The following TNRC6B variants were observed in gnomAD, a reference collection of about 807,000 sequenced individuals.
The protein encoded by TNRC6B is trinucleotide repeat-containing gene 6B protein.
A neutral mutation model predicts 203.6 loss-of-function variants in TNRC6B; 52 were observed. That is an observed-to-expected ratio of 0.26 (90% CI 0.20 to 0.32). The LOEUF (loss-of-function observed/expected upper bound fraction) is 0.32, where lower values mean the gene tolerates loss of function less well. Ranked by LOEUF, TNRC6B falls within the 10% of genes least tolerant of loss-of-function variation. The pLI, the probability that TNRC6B is intolerant of heterozygous loss-of-function variation, is 1.00. For synonymous variants in TNRC6B, 838 were observed against 845.7 expected (o/e 0.99, Z 0.16); for missense variants, 1,923 against 2,286.2 (o/e 0.84, Z 3.24).
At chr22:40,086,528 G>T (rs2068100771) in intron 1 of TNRC6B, among the ~76,000 whole-genome samples, 1 of 152,110 alleles carries the variant, frequency 6.6e-6, no homozygotes, top group South Asian at 2.1e-4. Context: ...TGCATCTTCT[G>T]TCTCAGCCCT....
chr22:40,331,405 C>A lies in TNRC6B; in HGVS notation c.*8164C>A. 1 of 305,998 alleles carries A rather than the reference C, an allele frequency of 3.3e-6. No homozygotes were observed. The highest frequency in any genetic ancestry group is 6.0e-6 in the Non-Finnish European group (1 of 167,380). 19.0% of individuals were successfully genotyped at this position (305,998 alleles called of 1,614,324 possible). ...TGTTTTAAACAATTTCACCTCTTCT[C>A]CCCACTCCTATCTTCTAAAGAAATA... On this transcript the variant is annotated 3_prime_UTR_variant, in exon 23 of 23. Coordinates refer to ENST00000454349, the MANE Select transcript of TNRC6B (RefSeq NM_001162501.2).
At chr22:40,181,911 A>T (rs1157418449) in intron 1 of TNRC6B, among the ~76,000 whole-genome samples, 1 of 148,518 alleles carries the variant, frequency 6.7e-6, no homozygotes, top group Non-Finnish European at 1.5e-5. Context: ...GTGCCACTGC[A>T]TTCCAGCCTA....
intron 1 of TNRC6B, among the ~76,000 whole-genome samples, chr22:40,061,926 T>C (rs2067857020): frequency 6.6e-6 from 1 of 151,806 alleles, no homozygotes; most frequent in Admixed American, 6.6e-5. Flanking sequence ...ATACAAAAAT[T>C]AGCTGGGCGT....
intron 11 of TNRC6B, among the ~76,000 whole-genome samples, chr22:40,283,224 G>T (rs2070739962): frequency 6.6e-6 from 1 of 152,094 alleles, no homozygotes; most frequent in Non-Finnish European, 1.5e-5. Flanking sequence ...ATTTTTAGTA[G>T]AGATGGAGTT....
rs543080637 is a variant in TNRC6B, at chr22:40,199,595, C to T, written c.5+21455C>T. ...GCAAGACCAAAGAATGATTCTAAACCGAAGGAGACTAAAGAGACATGTCAA... is the reference window on the plus strand; with the variant it reads ...GCAAGACCAAAGAATGATTCTAAACTGAAGGAGACTAAAGAGACATGTCAA... On this transcript the variant is annotated intron_variant, in intron 1 of 22. Transcript: ENST00000454349. 1.8e-4 allele frequency among the ~76,000 whole-genome samples: 28 copies of T among 152,178 alleles called. No individual in the cohort carries two copies. The South Asian group carries it at 5.4e-3, about 29-fold the overall frequency.
At chr22:40,300,071 CGTAA>C (rs1189497901) in intron 12 of TNRC6B, among the ~76,000 whole-genome samples, 1 of 152,150 alleles carries the variant, frequency 6.6e-6, no homozygotes, top group Non-Finnish European at 1.5e-5. Flanking sequence ...AATACTTTCA[CGTAA>C]GTATTATTTA....
intron 2 of TNRC6B, among the ~76,000 whole-genome samples, chr22:40,125,572 A>T (rs2068484142): frequency 6.6e-6 from 1 of 152,180 alleles, no homozygotes; most frequent in Non-Finnish European, 1.5e-5. Context: ...CCAAGATGGG[A>T]AACATTCCCT....
intron 12 of TNRC6B, among the ~76,000 whole-genome samples, chr22:40,293,938 T>C (rs1428184022): frequency 2.0e-5 from 3 of 150,038 alleles, no homozygotes; most frequent in African/African-American, 7.4e-5. Context: ...AAGTGTCTGC[T>C]CTACCTAGAA....
At chr22:40,211,166 G>A (rs2069556989) in intron 1 of TNRC6B, among the ~76,000 whole-genome samples, 1 of 152,146 alleles carries the variant, frequency 6.6e-6, no homozygotes, top group Non-Finnish European at 1.5e-5. Context: ...AGGCTGGAGT[G>A]TAGTGGCATG....
intron 3 of TNRC6B, chr22:40,125,906 A>G: frequency 6.3e-7 from 1 of 1,588,066 alleles, no homozygotes; most frequent in Admixed American, 1.8e-5. Context: ...GAAATTGAAC[A>G]GTAGAGGCTG....
intron 1 of TNRC6B, among the ~76,000 whole-genome samples, chr22:40,091,836 T>A (rs764747980): frequency 3.9e-5 from 6 of 152,142 alleles, no homozygotes; most frequent in Admixed American, 6.6e-5. Context: ...AAAAAAACTT[T>A]CCTTGAGAAT....
chr22:40,094,376 C>T (rs2068171879), intron 1 of TNRC6B, among the ~76,000 whole-genome samples: 1 of 151,796 alleles, frequency 6.6e-6, no homozygotes, highest in African/African-American at 2.4e-5. Context: ...CAAATGTTAA[C>T]TTGTAAAGAA....
chr22:40,143,760 T>A (rs2068666590), intron 3 of TNRC6B, among the ~76,000 whole-genome samples: 1 of 152,202 alleles, frequency 6.6e-6, no homozygotes, highest in African/African-American at 2.4e-5. Flanking sequence ...CCACCCAAAG[T>A]GTTGGGATTA....
At chr22:40,166,431 CTTTT>C (rs200906353) in intron 4 of TNRC6B, among the ~76,000 whole-genome samples, 1 of 141,208 alleles carries the variant, frequency 7.1e-6, no homozygotes. Context: ...ATGCTATACT[CTTTT>C]TTTTTTTTTT....
chr22:40,125,814 T>A, exon 3 of TNRC6B: 1 of 1,611,614 alleles, frequency 6.2e-7, no homozygotes, highest in Non-Finnish European at 8.5e-7. Flanking sequence ...CAAAATCTGT[T>A]CCCATGCAAA....
At chr22:40,277,943 C>T in intron 8 of TNRC6B, 56 bp from the exon 9 acceptor site, 1 of 1,381,888 alleles carries the variant, frequency 7.2e-7, no homozygotes, top group Non-Finnish European at 1.0e-6. Context: ...AATGCCACTT[C>T]TTTGATTCAA....
chr22:40,312,292 T>C (rs1291507549), intron 17 of TNRC6B, among the ~76,000 whole-genome samples: 2 of 152,196 alleles, frequency 1.3e-5, no homozygotes, highest in Admixed American at 6.5e-5. Flanking sequence ...TGGCTTCCAG[T>C]TGACTGCCAC....
intron 3 of TNRC6B, chr22:40,125,931 G>T: frequency 1.4e-6 from 2 of 1,447,946 alleles, no homozygotes; most frequent in South Asian, 1.3e-5. Context: ...TGAGTAGAAT[G>T]GGTATTTCAT....
At position 40,315,483 on chromosome 22, in the gene TNRC6B, A is replaced by G; in HGVS notation, c.4879A>G (p.Thr1627Ala). The change falls in exon 20 of 23, where the codon ACA becomes GCA. Residue 1627 changes from threonine to alanine, a missense_variant. This residue lies in a region of TNRC6B where 159 missense variants were observed against 181.0 expected (regional missense o/e 0.88). Coordinates refer to ENST00000454349, the MANE Select transcript of TNRC6B (RefSeq NM_001162501.2). ...TAPRSVRGWG[T>A]QDSRLASAST... ...ACCCCGATCAGTCAGGGGGTGGGGG[A>G]CACAGGACTCACGGCTCGCCTCGGG... The G allele has an allele frequency of 6.2e-7, 1 of 1,613,944 alleles. No individual in the cohort carries two copies. Among genetic ancestry groups the G allele is most frequent in the Non-Finnish European group, 8.5e-7 (1 of 1,179,878 alleles).
Sources: allele counts gnomAD v4.1 joint callset (sites outside exome capture counted in the v4.1 genomes callset), GRCh38; gene constraint gnomAD v4.1.1; regional missense constraint gnomAD v4.1.1; transcripts MANE v1.5; gene names NCBI Gene and HGNC (gene_info 2026-07-23, HGNC 2026-07-21).